XRN1: variants seen among roughly 807,000 people sequenced by gnomAD.
XRN1 encodes the protein 5'-3' exoribonuclease 1.
XRN1 carries 67 observed loss-of-function variants against 222.3 expected under a neutral mutation model. That is an observed-to-expected ratio of 0.30 (90% confidence interval 0.25 to 0.37). The LOEUF is 0.37. Ranked by LOEUF, XRN1 falls within the 10% of genes least tolerant of loss-of-function variation. XRN1 has a pLI of 1.00. For missense variants in XRN1, 1,707 were observed against 2,000.2 expected (o/e 0.85, Z 2.80); for synonymous variants, 643 against 652.4 (o/e 0.99, Z 0.22).
At chr3:142,381,086 C>T (rs1312913688) in intron 22 of XRN1, among the ~76,000 whole-genome samples, 5 of 147,528 alleles carry the variant, frequency 3.4e-5, no homozygotes, top group East Asian at 2.0e-4. Context: ...GGTAATAGAG[C>T]GAGACTCTGT....
intron 2 of XRN1, among the ~76,000 whole-genome samples, chr3:142,427,454 T>C (rs1433107783): frequency 1.3e-5 from 2 of 152,194 alleles, no homozygotes; most frequent in East Asian, 3.9e-4. Flanking sequence ...ATTCTAAAAA[T>C]AAGATCAAAA....
At chr3:142,425,598 G>T in intron 3 of XRN1, 60 bp from the exon 4 acceptor site, 1 of 1,381,806 alleles carries the variant, frequency 7.2e-7, no homozygotes, top group South Asian at 1.2e-5. Context: ...TAAGTTCTCA[G>T]TGACAACACA....
Position 142,376,577 on chromosome 3 carries a change from G to A in XRN1, c.2733C>T (p.Tyr911=). The part of the protein sequence containing the change: ...IQNQHKYSIK[Y]NPGYVLASRL... ...GACTGGCCAACACATATCCTGGGTTGTACTTTATAGAATATTTCTTTAAAT... is the reference window on the plus strand; with the variant it reads ...GACTGGCCAACACATATCCTGGGTTATACTTTATAGAATATTTCTTTAAAT... The change falls in exon 24 of 41, where the codon TAC becomes TAT. Residue 911 remains tyrosine (Y), a synonymous_variant. Coordinates refer to ENST00000392981, the MANE Select transcript of XRN1 (RefSeq NM_001282857.2). The A allele has an allele frequency of 1.2e-6, 2 of 1,609,738 alleles. No homozygotes were observed. Among genetic ancestry groups the A allele is most frequent in the Non-Finnish European group, 1.7e-6 (2 of 1,177,674 alleles).
intron 1 of XRN1, among the ~76,000 whole-genome samples, chr3:142,436,312 G>A: frequency 6.6e-6 from 1 of 152,078 alleles, no homozygotes; most frequent in Non-Finnish European, 1.5e-5. Flanking sequence ...CATTTATTAT[G>A]CAATTATTAG....
intron 37 of XRN1, among the ~76,000 whole-genome samples, chr3:142,321,677 T>C (rs1009203340): frequency 6.6e-6 from 1 of 152,236 alleles, no homozygotes; most frequent in Admixed American, 6.5e-5. Context: ...AAGCACATCA[T>C]TTCCTTTGTT....
At chr3:142,420,983 A>C in intron 10 of XRN1, 33 bp downstream of exon 10, 1 of 1,611,746 alleles carries the variant, frequency 6.2e-7, no homozygotes, top group Non-Finnish European at 8.5e-7. Flanking sequence ...TTTACAGTTA[A>C]AACAATGAAA....
In XRN1 at chr3:142,384,617, C is replaced by T; in HGVS notation, c.2408G>A (p.Gly803Asp). Residue 803 changes from glycine to aspartate, a missense_variant, in exon 21 of 41, where the codon GGT (glycine) becomes GAT (aspartate). Gly to Asp is a moderately conservative substitution (Grantham distance 94). Transcript: ENST00000392981. ...SAVVYAQLLTGRKYQINQNGE... is the reference protein window; with the variant it reads ...SAVVYAQLLTDRKYQINQNGE... ...ATTTTGATTTATTTGATATTTACGA[C>T]CTGTGAGTAACTGAGCATACACAAC... The T allele has an allele frequency of 6.2e-7, 1 of 1,612,372 alleles. No individual in the cohort carries two copies. Among genetic ancestry groups the T allele is most frequent in the Non-Finnish European group, 8.5e-7 (1 of 1,179,250 alleles).
intron 5 of XRN1, among the ~76,000 whole-genome samples, chr3:142,424,890 A>T (rs1019998261): frequency 6.6e-6 from 1 of 152,058 alleles, no homozygotes; most frequent in African/African-American, 2.4e-5. Flanking sequence ...AGGTATCTGG[A>T]GCATGGAGTT....
chr3:142,364,102 T>C (rs1396773708), intron 29 of XRN1, among the ~76,000 whole-genome samples: 2 of 152,198 alleles, frequency 1.3e-5, no homozygotes, highest in African/African-American at 2.4e-5. Context: ...ACTTAACTTA[T>C]CAGGTGAGGA....
At position 142,322,822 on chromosome 3, in the gene XRN1, G is replaced by T. The variant is rs913793181; in HGVS notation, c.4405-3919C>A. ...GTTCGAGACCAGCCTGACCAACATG[G>T]TGAAACCCCGTCTCTATTAAAAATA... On this transcript the variant is annotated intron_variant, in intron 37 of 40. Coordinates refer to ENST00000392981, the MANE Select transcript of XRN1 (RefSeq NM_001282857.2). 5.3e-5 allele frequency among the ~76,000 whole-genome samples: 8 copies of T among 152,086 alleles called. No individual in the cohort carries two copies. In the East Asian group the frequency reaches 1.4e-3, roughly 26 times the overall value.
chr3:142,404,918 T>A lies in XRN1; in HGVS notation c.1872A>T (p.Arg624=). The A allele has an allele frequency of 2.5e-6, 4 of 1,614,000 alleles. No individual in the cohort carries two copies. The highest frequency in any genetic ancestry group is 3.4e-6 in the Non-Finnish European group (4 of 1,179,908). The change falls in exon 16 of 41, where the codon CGA becomes CGT. Residue 624 remains arginine, a synonymous_variant. Coordinates refer to ENST00000392981, the MANE Select transcript of XRN1 (RefSeq NM_001282857.2). ...PWPEKFPAIE[R]CCTRYKIISL... ...CCAAGTAACATTACCTTGTACAACA[T>A]CGTTCTATGGCAGGGAACTTTTCTG...
At chr3:142,393,317 C>T (rs1257605732) in intron 20 of XRN1, among the ~76,000 whole-genome samples, 2 of 148,194 alleles carry the variant, frequency 1.3e-5, no homozygotes, top group Non-Finnish European at 3.0e-5. Context: ...TGTGCAGAAG[C>T]TCTTTAGTTT....
chr3:142,372,851 C>T (rs1334964249), intron 25 of XRN1, among the ~76,000 whole-genome samples: 1 of 152,138 alleles, frequency 6.6e-6, no homozygotes, highest in Non-Finnish European at 1.5e-5. Flanking sequence ...AGGGTGGAGG[C>T]CACCTCTCCG....
At chr3:142,439,347 C>T (rs1337098865) in intron 1 of XRN1, among the ~76,000 whole-genome samples, 1 of 152,194 alleles carries the variant, frequency 6.6e-6, no homozygotes, top group East Asian at 1.9e-4. Context: ...GGCCAGCAGG[C>T]AGTTCCCAGT....
In XRN1 at chr3:142,335,449, T is replaced by TG; in HGVS notation, c.3937dup (p.Gln1313ProfsTer3). On this transcript the variant is annotated frameshift_variant and splice_region_variant, in exon 34 of 41. Transcript: ENST00000392981. LOFTEE classifies it high-confidence loss of function. ...AAATTTGATTTTAAGGAAGCTTACCTGCTTATTGGACATTTTTTGGGACCA... is the reference window on the plus strand; with the variant it reads ...AAATTTGATTTTAAGGAAGCTTACCTGGCTTATTGGACATTTTTTGGGACCA... The TG allele has an allele frequency of 6.2e-7, 1 of 1,613,846 alleles. No individual in the cohort carries two copies.
Position 142,335,475 on chromosome 3 carries a change from A to G in XRN1, c.3912T>C (p.Cys1304=). The G allele has an allele frequency of 6.2e-7, 1 of 1,613,930 alleles. No individual in the cohort carries two copies. Among genetic ancestry groups the G allele is most frequent in the Non-Finnish European group, 8.5e-7 (1 of 1,179,892 alleles). The change falls in exon 34 of 41, where the codon TGT becomes TGC. Residue 1304 remains cysteine, a synonymous_variant. Transcript: ENST00000392981. ...GCTTATTGGACATTTTTTGGGACCA[A>G]CACTCAGCTTTAGGACTCTTACACT... ...KEECKSPKAE[C]WSQKMSNKQP...
chr3:142,356,804 T>C, intron 31 of XRN1, 108 bp downstream of exon 31: 1 of 1,248,438 alleles, frequency 8.0e-7, no homozygotes, highest in Non-Finnish European at 1.1e-6. Flanking sequence ...CAAAACTTTT[T>C]AAATAAAAGA....
intron 39 of XRN1, 40 bp from the exon 40 acceptor site, chr3:142,312,798 G>A: frequency 6.4e-7 from 1 of 1,569,980 alleles, no homozygotes; most frequent in Non-Finnish European, 8.6e-7. Context: ...TAGTAAAATG[G>A]TATCATCAAA....
intron 9 of XRN1, 84 bp downstream of exon 9, chr3:142,421,392 C>A: frequency 1.8e-6 from 2 of 1,103,404 alleles, no homozygotes; most frequent in South Asian, 1.7e-5. Flanking sequence ...ATTATAAAAC[C>A]CCTTTCTTCT....
Sources: allele counts gnomAD v4.1 joint callset (sites outside exome capture counted in the v4.1 genomes callset), GRCh38; gene constraint gnomAD v4.1.1; transcripts MANE v1.5; gene names NCBI Gene and HGNC (gene_info 2026-07-23, HGNC 2026-07-21).